H6PD: variants seen among roughly 807,000 people sequenced by gnomAD.
H6PD encodes the protein GDH/6PGL endoplasmic bifunctional protein.
Under a neutral mutation model 61.2 loss-of-function variants are expected in H6PD, and 48 were observed. That is an observed-to-expected ratio of 0.78 (90% confidence interval 0.62 to 1.00). The LOEUF (loss-of-function observed/expected upper bound fraction) is 1.00, where lower values mean the gene tolerates loss of function less well. Among genes scored for constraint, H6PD ranks in the 50% least tolerant of loss-of-function variants. The pLI, the probability that H6PD is intolerant of heterozygous loss-of-function variation, is 0.00. For missense variants in H6PD, 1,093 were observed against 1,065.0 expected (o/e 1.03, Z -0.37); for synonymous variants, 480 against 457.9 (o/e 1.05, Z -0.62).
intron 3 of H6PD, among the ~76,000 whole-genome samples, chr1:9,258,897 G>A (rs546600197): frequency 6.6e-6 from 1 of 152,274 alleles, no homozygotes; most frequent in South Asian, 2.1e-4. Flanking sequence ...TTGTTATGTT[G>A]CTGTTGTTAC....
In H6PD at chr1:9,264,443, C is replaced by G; in HGVS notation, c.1950C>G (p.Asn650Lys). ...AGCACGTCCGGATCCCCTACTACAA[C>G]ATCCACCCCATGCCTGTGCACCTGC... ...LLQHVRIPYY[N>K]IHPMPVHLQQ... is the part of the protein sequence containing the mutation. The change falls in exon 5 of 5, where the codon AAC becomes AAG. Residue 650 changes from asparagine (N) to lysine (K), a missense_variant. By Grantham distance (94) the Asn-to-Lys change is moderately conservative. Coordinates refer to ENST00000377403, the MANE Select transcript of H6PD (RefSeq NM_004285.4). 1 of 1,613,268 alleles carries G rather than the reference C, an allele frequency of 6.2e-7. No homozygotes were observed. Among genetic ancestry groups the G allele is most frequent in the Non-Finnish European group, 8.5e-7 (1 of 1,179,980 alleles).
rs773099624 is a variant in H6PD, at chr1:9,264,686, T to C, written c.2193T>C (p.Leu731=). 1.9e-6 allele frequency: 3 copies of C among 1,613,158 alleles called. No individual in the cohort carries two copies. The highest frequency in any genetic ancestry group is 1.3e-5 in the African/African-American group (1 of 74,916). The change falls in exon 5 of 5, where the codon CTT becomes CTC. Residue 731 remains leucine, a synonymous_variant. Coordinates refer to ENST00000377403, the MANE Select transcript of H6PD (RefSeq NM_004285.4). The part of the protein sequence containing the change: ...SPSQPHRRMS[L]SLPLINRAKK... ...CCCAGCCACACCGCCGCATGAGCCT[T>C]AGCCTGCCTCTCATCAACCGCGCCA...
At chr1:9,236,270 A>G (rs1057123973) in intron 1 of H6PD, among the ~76,000 whole-genome samples, 28 of 151,972 alleles carry the variant, frequency 1.8e-4, no homozygotes, top group African/African-American at 5.3e-4. Flanking sequence ...GATTACAGGC[A>G]TGAACCACCG....
Position 9,267,775 on chromosome 1 carries a change from G to GCTGGTGGCTT in H6PD, c.*2907_*2916dup, listed in dbSNP as rs1364446378. On this transcript the variant is annotated 3_prime_UTR_variant, in exon 5 of 5. Coordinates refer to ENST00000377403, the MANE Select transcript of H6PD (RefSeq NM_004285.4). ...AGGAGAAGTTTTCAGAACCCTCTAG[G>GCTGGTGGCTT]CTGGTGGCTTTCAAACTTCAGACCA... is the stretch of plus-strand genomic sequence containing the variant. The GCTGGTGGCTT allele has an allele frequency of 6.6e-6, 1 of 152,174 alleles. No homozygotes were observed. Among genetic ancestry groups the GCTGGTGGCTT allele is most frequent in the East Asian group, 1.9e-4 (1 of 5,190 alleles). The allele number at this position is 152,174 out of a possible 1,614,324, so 9.4% of individuals were successfully genotyped here. A position where few individuals can be genotyped will look rare whatever the true frequency, so the allele number is the denominator to read the frequency against.
chr1:9,266,383 C>G lies in H6PD; in HGVS notation c.*1514C>G, dbSNP rs138748995. 5.9e-5 allele frequency: 9 copies of G among 152,374 alleles called. No homozygotes were observed. Among genetic ancestry groups the G allele is most frequent in the Middle Eastern group, 3.4e-3 (1 of 294 alleles). 9.4% of individuals were successfully genotyped at this position (152,374 alleles called of 1,614,324 possible). On this transcript the variant is annotated 3_prime_UTR_variant, in exon 5 of 5. Coordinates refer to ENST00000377403, the MANE Select transcript of H6PD (RefSeq NM_004285.4). The stretch of plus-strand genomic sequence containing the variant: ...CTTCTCAGTGAGCATAGGTTGGGGA[C>G]TGTGATCTTGAGAAGCCATGGGCCA...
rs1455739198 is a variant in H6PD at position 9,267,171 on chromosome 1, G to C, written c.*2302G>C. On this transcript the variant is annotated 3_prime_UTR_variant, in exon 5 of 5. Transcript: ENST00000377403. ...GCGCCCCTCGTTAGGACAGAACCAC[G>C]GTGCCCAGAGCCAGGAAGCCGCCCT... is the stretch of plus-strand genomic sequence containing the variant. 2 of 152,236 alleles carry C rather than the reference G, an allele frequency of 1.3e-5. No homozygotes were observed. The highest frequency in any genetic ancestry group is 2.4e-5 in the African/African-American group (1 of 41,426). The allele number at this position is 152,236 out of a possible 1,614,324, so 9.4% of individuals were successfully genotyped here. A position where few individuals can be genotyped will look rare whatever the true frequency, so the allele number is the denominator to read the frequency against.
chr1:9,245,467 A>T lies in H6PD; in HGVS notation c.533A>T (p.His178Leu). The T allele has an allele frequency of 6.2e-7, 1 of 1,614,154 alleles. No individual in the cohort carries two copies. The highest frequency in any genetic ancestry group is 2.2e-5 in the East Asian group (1 of 44,874). ...LRVVLEKPFG[H>L]DHFSAQQLAT... ...GTTGTCCTTGAGAAACCCTTTGGCCATGACCACTTCTCAGCCCAGCAGCTG... is the reference window on the plus strand; with the variant it reads ...GTTGTCCTTGAGAAACCCTTTGGCCTTGACCACTTCTCAGCCCAGCAGCTG... Residue 178 changes from histidine (H) to leucine (L), a missense_variant, in exon 2 of 5, where the codon CAT becomes CTT. Transcript: ENST00000377403. The surrounding 1 kb of genome is among the most constrained non-coding windows in gnomAD (Gnocchi z 4.8).
In H6PD at chr1:9,242,910, C is replaced by T. The variant is rs1015473838; in HGVS notation, c.-10-2015C>T. 1.5e-5 allele frequency: 15 copies of T among 985,440 alleles called. 1 individual carries two copies. In the Admixed American group the frequency reaches 6.1e-4, roughly 40 times the overall value. The allele number at this position is 985,440 out of a possible 1,614,324, so 61.0% of individuals were successfully genotyped here. On this transcript the variant is annotated intron_variant, in intron 1 of 4. Transcript: ENST00000377403. ...GCGATTGCCGGTTGAGGAAAAAACG[C>T]TTGAAGGGCCAAGGACAGGGACTGG...
intron 4 of H6PD, 27 bp from the exon 5 acceptor site, chr1:9,263,482 T>A (rs1236844943): frequency 2.5e-6 from 4 of 1,611,086 alleles, no homozygotes; most frequent in Non-Finnish European, 3.4e-6. Context: ...TGCCAGAGAG[T>A]CACCCTCTGC....
chr1:9,243,902 C>T (rs1281532342), intron 1 of H6PD, among the ~76,000 whole-genome samples: 6 of 151,988 alleles, frequency 3.9e-5, no homozygotes, highest in African/African-American at 1.5e-4. Context: ...ACGTCAGGGT[C>T]AAGAGGCAGA....
intron 1 of H6PD, among the ~76,000 whole-genome samples, chr1:9,235,871 C>T (rs756208290): frequency 2.0e-5 from 3 of 152,198 alleles, no homozygotes; most frequent in Non-Finnish European, 4.4e-5. Context: ...TTAAGCCTTA[C>T]GAAGTGTTGG....
At chr1:9,243,973 A>G (rs1427728754) in intron 1 of H6PD, among the ~76,000 whole-genome samples, 3 of 152,200 alleles carry the variant, frequency 2.0e-5, no homozygotes, top group Non-Finnish European at 4.4e-5. Flanking sequence ...GTGGCTGCAC[A>G]GTCAGTCCCA....
In H6PD at chr1:9,264,135, G is replaced by T. The variant is rs771065990; in HGVS notation, c.1642G>T (p.Ala548Ser). ...GCCCAGTGACTTCCAGGTCCTCAGG[G>T]CCAAGTACCGAGAGAGCCCGCTGGT... Reference protein sequence around the residue: ...PMPSDFQVLRAKYRESPLVSA... With the variant: ...PMPSDFQVLRSKYRESPLVSA... The change falls in exon 5 of 5, where the codon GCC becomes TCC. Residue 548 changes from alanine to serine, a missense_variant. Transcript: ENST00000377403. 6 of 1,613,682 alleles carry T rather than the reference G, an allele frequency of 3.7e-6. No individual in the cohort carries two copies. In the Admixed American group the frequency reaches 8.3e-5, roughly 22 times the overall value.
Position 9,265,350 on chromosome 1 carries a change from C to G in H6PD, c.*481C>G, listed in dbSNP as rs55974925. The G allele has an allele frequency of 9.0e-3, 2,505 of 277,662 alleles. 56 individuals are homozygous for G. Among genetic ancestry groups the G allele is most frequent in the African/African-American group, 0.052 (2,350 of 45,492 alleles). 17.2% of individuals were successfully genotyped at this position (277,662 alleles called of 1,614,324 possible). A position where few individuals can be genotyped will look rare whatever the true frequency, so the allele number is the denominator to read the frequency against. ...AGAGGCGCCCAGGGGAGTACATTGC[C>G]CCGTGCAAAGCAGGGGCATTGGGGA... is the stretch of plus-strand genomic sequence containing the variant. On this transcript the variant is annotated 3_prime_UTR_variant, in exon 5 of 5. Coordinates refer to ENST00000377403, the MANE Select transcript of H6PD (RefSeq NM_004285.4).
In H6PD at chr1:9,266,960, A is replaced by G. The variant is rs1638580569; in HGVS notation, c.*2091A>G. 6.6e-6 allele frequency: 1 copy of G among 152,150 alleles called. No individual in the cohort carries two copies. Among genetic ancestry groups the G allele is most frequent in the Admixed American group, 6.6e-5 (1 of 15,266 alleles). 9.4% of individuals were successfully genotyped at this position (152,150 alleles called of 1,614,324 possible). On this transcript the variant is annotated 3_prime_UTR_variant, in exon 5 of 5. Transcript: ENST00000377403. ...CTAAGCCTCCCGAGTAGCTGCGACT[A>G]CAGGCGCCGGCCAGCATGCCTGTCT...
intron 3 of H6PD, among the ~76,000 whole-genome samples, chr1:9,250,186 C>G (rs1359359373): frequency 6.6e-6 from 1 of 152,192 alleles, no homozygotes; most frequent in African/African-American, 2.4e-5. Context: ...CCACTGCTGT[C>G]CCGGGTGAGG....
rs535207130 is a variant in H6PD at position 9,261,647 on chromosome 1, G to A, written c.746-412G>A. Among the ~76,000 whole-genome samples the A allele has an allele frequency of 1.3e-4, 20 of 152,300 alleles. No individual in the cohort carries two copies. In the South Asian group the frequency reaches 4.1e-3, roughly 32 times the overall value. ...ACCCAAGATCACATGCTAGTAAGTGGCAGTCATACTCTGGGGTGCTGCAGC... is the reference window on the plus strand; with the variant it reads ...ACCCAAGATCACATGCTAGTAAGTGACAGTCATACTCTGGGGTGCTGCAGC... On this transcript the variant is annotated intron_variant, in intron 3 of 4. Transcript: ENST00000377403.
At chr1:9,263,381 G>A in intron 4 of H6PD, 128 bp from the exon 5 acceptor site, 1 of 864,712 alleles carries the variant, frequency 1.2e-6, no homozygotes, top group Non-Finnish European at 2.0e-6. Flanking sequence ...CGAGGGGTGA[G>A]CATGGCAAGG....
chr1:9,245,232 G>T lies in H6PD; in HGVS notation c.298G>T (p.Asp100Tyr). 5 of 1,614,192 alleles carry T rather than the reference G, an allele frequency of 3.1e-6. No individual in the cohort carries two copies. Among genetic ancestry groups the T allele is most frequent in the Non-Finnish European group, 4.2e-6 (5 of 1,180,036 alleles). The change falls in exon 2 of 5, where the codon GAT becomes TAT. Residue 100 changes from aspartate (D) to tyrosine (Y), a missense_variant. Asp to Tyr is a radical substitution (Grantham distance 160). Coordinates refer to ENST00000377403, the MANE Select transcript of H6PD (RefSeq NM_004285.4). This position sits in a 1 kb window ranked among gnomAD's most constrained non-coding sequence, Gnocchi z 4.8. Reference protein sequence around the residue: ...MAPSHCAEHKDQFLQLSQYRQ... With the variant: ...MAPSHCAEHKYQFLQLSQYRQ... ...ACCCAGTCACTGTGCAGAGCACAAG[G>T]ATCAGTTCCTGCAGCTGAGCCAGTA...
Sources: allele counts gnomAD v4.1 joint callset (sites outside exome capture counted in the v4.1 genomes callset), GRCh38; gene constraint gnomAD v4.1.1; non-coding constraint Gnocchi (gnomAD v3.1); transcripts MANE v1.5; gene names NCBI Gene and HGNC (gene_info 2026-07-23, HGNC 2026-07-21).